ZNF398: variants seen among roughly 807,000 people sequenced by gnomAD.
ZNF398 encodes the protein zinc finger DNA binding protein ZER6.
In ZNF398, 18 loss-of-function variants were observed where a neutral mutation model predicts 41.9. The ratio of observed to expected loss-of-function variants is 0.43; its 90% CI spans 0.30 to 0.64. ZNF398 has a LOEUF of 0.64. Ranked by LOEUF, ZNF398 falls within the 30% of genes least tolerant of loss-of-function variation. The pLI is 0.14. For missense variants in ZNF398, 669 were observed against 822.8 expected, an observed-to-expected ratio of 0.81 and a Z score of 2.29; for synonymous variants, 260 against 308.8, an observed-to-expected ratio of 0.84 and a Z score of 1.66.
chr7:149,150,699 T>TCCCGCGCC (rs1827088466), intron 1 of ZNF398, among the ~76,000 whole-genome samples: 1 of 99,392 alleles, frequency 1.0e-5, no homozygotes, highest in Admixed American at 8.9e-5. Context: ...CTTCCCCGCC[T>TCCCGCGCC]CCCGCGCCCC....
intron 4 of ZNF398, among the ~76,000 whole-genome samples, chr7:149,170,851 C>T (rs903196080): frequency 6.6e-6 from 1 of 151,992 alleles, no homozygotes; most frequent in African/African-American, 2.4e-5. Context: ...TAGGACATTA[C>T]TAGGCTGTAG....
rs1296331773 is a variant in ZNF398, at chr7:149,182,482, C to G, written c.*2681C>G. 1 of 152,202 alleles carries G rather than the reference C, an allele frequency of 6.6e-6. No individual in the cohort carries two copies. Among genetic ancestry groups the G allele is most frequent in the Non-Finnish European group, 1.5e-5 (1 of 68,028 alleles). 9.4% of individuals were successfully genotyped at this position (152,202 alleles called of 1,614,324 possible). ...CAACAGAAAGTGTGGAGGAGAAACT[C>G]TTGGCCTATCAAGTGCTCCTGAGAG... On this transcript the variant is annotated 3_prime_UTR_variant, in exon 6 of 6. Transcript: ENST00000475153.
At chr7:149,156,594 C>G (rs143507236) in intron 2 of ZNF398, among the ~76,000 whole-genome samples, 1 of 151,086 alleles carries the variant, frequency 6.6e-6, no homozygotes, top group Admixed American at 6.6e-5. Flanking sequence ...CGCAGTGGCT[C>G]ACGCCTGTAA....
At chr7:149,148,602 C>CA (rs1159512903) in intron 1 of ZNF398, 5 of 439,864 alleles carry the variant, frequency 1.1e-5, no homozygotes, top group Non-Finnish European at 1.5e-5. Flanking sequence ...AGGGAAGTGC[C>CA]ACCTCCACTC....
At chr7:149,178,376 C>G (rs926960847) in intron 5 of ZNF398, among the ~76,000 whole-genome samples, 1 of 152,174 alleles carries the variant, frequency 6.6e-6, no homozygotes, top group African/African-American at 2.4e-5. Flanking sequence ...TCACTTGAAC[C>G]CAGGTAGTGG....
intron 2 of ZNF398, among the ~76,000 whole-genome samples, chr7:149,159,548 T>C (rs1271604580): frequency 6.6e-6 from 1 of 151,694 alleles, no homozygotes; most frequent in Non-Finnish European, 1.5e-5. Flanking sequence ...CCCGGGAGGC[T>C]GAGGCAGGAG....
Position 149,159,136 on chromosome 7 carries a change from G to A in ZNF398, c.420+4796G>A, listed in dbSNP as rs565735274. 2.6e-3 allele frequency among the ~76,000 whole-genome samples: 398 copies of A among 151,360 alleles called. 1 individual carries two copies. The highest frequency in any genetic ancestry group is 4.1e-3 in the Non-Finnish European group (278 of 67,874). ...TGAGATTACAGGTGTGTACCACCAC[G>A]CCTGGTTAATTTTTGAATTTTTAGA... On this transcript the variant is annotated intron_variant, in intron 2 of 5. Coordinates refer to ENST00000475153, the MANE Select transcript of ZNF398 (RefSeq NM_170686.3).
At chr7:149,162,414 C>A (rs1276926220) in intron 2 of ZNF398, among the ~76,000 whole-genome samples, 1 of 152,158 alleles carries the variant, frequency 6.6e-6, no homozygotes, top group Admixed American at 6.6e-5. Context: ...GATCTCCTGA[C>A]CTCGTGATCC....
chr7:149,145,455 A>T (rs1826914005), upstream of ZNF398, among the ~76,000 whole-genome samples: 1 of 152,144 alleles, frequency 6.6e-6, no homozygotes, highest in Non-Finnish European at 1.5e-5. Context: ...TATAGATAGG[A>T]TTTCAGACAT....
chr7:149,171,734 G>A (rs138915193), intron 4 of ZNF398, among the ~76,000 whole-genome samples: 6,090 of 152,040 alleles, frequency 0.04, 190 homozygotes, highest in Non-Finnish European at 0.058. Context: ...GTGCAGTGGT[G>A]TGATCTTGGC....
At chr7:149,126,886 T>G (rs572787940) in intron 1 of ZNF398, among the ~76,000 whole-genome samples, 1 of 152,194 alleles carries the variant, frequency 6.6e-6, no homozygotes, top group Admixed American at 6.5e-5. Flanking sequence ...TCCCCGTGGG[T>G]GCAGCGCCCT....
intron 2 of ZNF398, among the ~76,000 whole-genome samples, chr7:149,136,316 C>T (rs775185935): frequency 4.4e-4 from 67 of 151,910 alleles, no homozygotes; most frequent in Non-Finnish European, 8.4e-4. Context: ...GACTGTGGGG[C>T]GGCCGAGCAG....
rs528667402 is a variant in ZNF398 at position 149,162,131 on chromosome 7, CTT to C, written c.421-4026_421-4025del. On this transcript the variant is annotated intron_variant, in intron 2 of 5. Coordinates refer to ENST00000475153, the MANE Select transcript of ZNF398 (RefSeq NM_170686.3). ...GCAGCCTTAAGGCTCAAGTGAGACT[CTT>C]GACTCAGCCTCCCGAGTGGCTGGGA... is the stretch of plus-strand genomic sequence containing the variant. 3.5e-4 allele frequency among the ~76,000 whole-genome samples: 53 copies of C among 152,196 alleles called. No homozygotes were observed. In the Middle Eastern group the frequency reaches 0.01, roughly 29 times the overall value.
chr7:149,161,070 C>G (rs1028082519), intron 2 of ZNF398, among the ~76,000 whole-genome samples: 1 of 152,006 alleles, frequency 6.6e-6, no homozygotes, highest in Non-Finnish European at 1.5e-5. Flanking sequence ...CCCCAGCGCC[C>G]CTTTGGCACT....
chr7:149,167,662 T>G (rs1308698624), intron 4 of ZNF398, among the ~76,000 whole-genome samples: 3 of 143,178 alleles, frequency 2.1e-5, no homozygotes, highest in East Asian at 2.0e-4. Context: ...TGAGACGGAG[T>G]CTTGCTCATG....
At chr7:149,150,509 G>C (rs1285966243) in intron 1 of ZNF398, among the ~76,000 whole-genome samples, 2 of 152,078 alleles carry the variant, frequency 1.3e-5, no homozygotes, top group Non-Finnish European at 2.9e-5. Flanking sequence ...TGAGATGGGA[G>C]AATCGCTTGA....
chr7:149,177,402 C>T (rs981556770), intron 5 of ZNF398, among the ~76,000 whole-genome samples: 1 of 151,928 alleles, frequency 6.6e-6, no homozygotes, highest in African/African-American at 2.4e-5. Context: ...GAGTTCAAGA[C>T]CAGCCTGGGT....
Position 149,179,812 on chromosome 7 carries a change from C to T in ZNF398, c.*11C>T, listed in dbSNP as rs1372914179. The T allele has an allele frequency of 1.3e-6, 2 of 1,554,510 alleles. No individual in the cohort carries two copies. The highest frequency in any genetic ancestry group is 2.7e-5 in the African/African-American group (2 of 73,378). ...GGGGGAGTTTTGTAAATCCAAATCT[C>T]TGTGGCTTCATGCTTGTATATGCTC... On this transcript the variant is annotated 3_prime_UTR_variant, in exon 6 of 6. Coordinates refer to ENST00000475153, the MANE Select transcript of ZNF398 (RefSeq NM_170686.3). This position sits in a 1 kb window ranked among gnomAD's most constrained non-coding sequence, Gnocchi z 6.1.
chr7:149,135,389 C>CAAAAAAAAAAAAAAA (rs777888671), intron 2 of ZNF398, among the ~76,000 whole-genome samples: 24 of 61,382 alleles, frequency 3.9e-4, no homozygotes, highest in African/African-American at 5.3e-4. Flanking sequence ...GACTCTGTCT[C>CAAAAAAAAAAAAAAA]AAAAAAAAAA....
Sources: gnomAD v4.1 joint callset for allele counts (sites outside exome capture counted in the v4.1 genomes callset) on GRCh38, gnomAD v4.1.1 for gene constraint, Gnocchi (gnomAD v3.1) non-coding constraint, MANE v1.5 for transcripts, NCBI Gene and HGNC (gene_info 2026-07-23, HGNC 2026-07-21) for gene names.